Variants in SORCS3 observed in about 807,000 individuals in gnomAD.
The protein encoded by SORCS3 is sortilin related VPS10 domain containing receptor 3.
A neutral mutation model predicts 146.3 loss-of-function variants in SORCS3; 57 were observed. The ratio of observed to expected loss-of-function variants is 0.39; its 90% CI spans 0.31 to 0.49. The LOEUF is 0.49. SORCS3 is among the 20% of genes least tolerant of loss of function. The pLI is 0.92. For synonymous variants in SORCS3, 653 were observed against 618.5 expected (o/e 1.06, Z -0.83); for missense variants, 1,341 against 1,575.5 (o/e 0.85, Z 2.52).
rs141212842 is a variant in SORCS3 at position 104,981,865 on chromosome 10, A to C, written c.954+4372A>C. ...TCTAATACCGTTTATATTCTTGGCAAAATGAAACTTTAACAGATACAGCTG... is the reference window on the plus strand; with the variant it reads ...TCTAATACCGTTTATATTCTTGGCACAATGAAACTTTAACAGATACAGCTG... On this transcript the variant is annotated intron_variant, in intron 4 of 26. Coordinates refer to ENST00000369701, the MANE Select transcript of SORCS3 (RefSeq NM_014978.3). 2.4e-3 allele frequency among the ~76,000 whole-genome samples: 369 copies of C among 152,296 alleles called. 2 individuals carry two copies. The highest frequency in any genetic ancestry group is 8.4e-3 in the African/African-American group (351 of 41,572).
intron 2 of SORCS3, among the ~76,000 whole-genome samples, chr10:104,865,355 C>T (rs2018448093): frequency 6.6e-6 from 1 of 152,174 alleles, no homozygotes; most frequent in South Asian, 2.1e-4. Context: ...AAATCTTGAC[C>T]TGATCCCTTG....
intron 16 of SORCS3, among the ~76,000 whole-genome samples, chr10:105,204,718 G>A (rs930589880): frequency 6.6e-6 from 1 of 151,562 alleles, no homozygotes; most frequent in Non-Finnish European, 1.5e-5. Flanking sequence ...AAACTCACAC[G>A]ACCTATAAAG....
chr10:105,189,897 A>G (rs566892990), intron 14 of SORCS3, among the ~76,000 whole-genome samples: 18 of 152,218 alleles, frequency 1.2e-4, no homozygotes, highest in Admixed American at 5.9e-4. Context: ...AGAGTCAACT[A>G]CATAATTCTT....
At chr10:105,260,708 T>A (rs2056955641) in intron 25 of SORCS3, among the ~76,000 whole-genome samples, 1 of 152,204 alleles carries the variant, frequency 6.6e-6, no homozygotes, top group Non-Finnish European at 1.5e-5. Context: ...TTGGAGCAGA[T>A]AGGGGAATGT....
chr10:105,100,384 G>A (rs12360097), intron 6 of SORCS3, among the ~76,000 whole-genome samples: 1 of 152,138 alleles, frequency 6.6e-6, no homozygotes, highest in Non-Finnish European at 1.5e-5. Flanking sequence ...TTTCATTTGA[G>A]GATATTTCAA....
intron 20 of SORCS3, among the ~76,000 whole-genome samples, chr10:105,230,545 T>C (rs1003072388): frequency 3.9e-5 from 6 of 152,180 alleles, no homozygotes; most frequent in African/African-American, 1.4e-4. Flanking sequence ...GCCTTGACTG[T>C]AGCAGCCCAA....
At chr10:105,086,924 A>G in intron 5 of SORCS3, among the ~76,000 whole-genome samples, 1 of 152,164 alleles carries the variant, frequency 6.6e-6, no homozygotes, top group Non-Finnish European at 1.5e-5. Context: ...ATTAGATCCC[A>G]TTTGTCAATT....
intron 3 of SORCS3, among the ~76,000 whole-genome samples, chr10:104,953,596 T>C (rs779950923): frequency 1.3e-5 from 2 of 152,236 alleles, no homozygotes; most frequent in Non-Finnish European, 2.9e-5. Flanking sequence ...AATTATACCA[T>C]TGGTACCTAT....
At chr10:104,899,456 G>A (rs191808102) in intron 2 of SORCS3, among the ~76,000 whole-genome samples, 2 of 152,280 alleles carry the variant, frequency 1.3e-5, no homozygotes, top group Admixed American at 1.3e-4. Flanking sequence ...GAGAAATGGA[G>A]CATCCATGCC....
chr10:105,179,648 A>C (rs779129248), intron 14 of SORCS3, among the ~76,000 whole-genome samples: 21 of 152,334 alleles, frequency 1.4e-4, no homozygotes, highest in Non-Finnish European at 1.9e-4. Flanking sequence ...AAAACAACAC[A>C]GATTTTGTCA....
At chr10:104,758,827 C>T (rs933508241) in intron 1 of SORCS3, among the ~76,000 whole-genome samples, 6 of 152,162 alleles carry the variant, frequency 3.9e-5, no homozygotes, top group South Asian at 2.1e-4. Flanking sequence ...TTTTAGCGGC[C>T]GGACAGGGCT....
At chr10:105,189,347 T>G (rs1284593096) in intron 14 of SORCS3, among the ~76,000 whole-genome samples, 3 of 152,130 alleles carry the variant, frequency 2.0e-5, no homozygotes, top group Admixed American at 6.5e-5. Context: ...TTTGATCCAA[T>G]AAAGTGAGAG....
intron 1 of SORCS3, among the ~76,000 whole-genome samples, chr10:104,672,289 T>A (rs1227008230): frequency 2.0e-5 from 3 of 152,172 alleles, no homozygotes; most frequent in Non-Finnish European, 4.4e-5. Context: ...ATAGTCCTTT[T>A]TGTTTCTGTA....
At chr10:104,716,940 A>G (rs2016486214) in intron 1 of SORCS3, among the ~76,000 whole-genome samples, 1 of 152,166 alleles carries the variant, frequency 6.6e-6, no homozygotes, top group African/African-American at 2.4e-5. Flanking sequence ...ATTGAGGGAG[A>G]AGTCATTTTT....
chr10:105,216,419 T>A (rs2056665436), intron 18 of SORCS3, among the ~76,000 whole-genome samples: 1 of 152,268 alleles, frequency 6.6e-6, no homozygotes, highest in Admixed American at 6.5e-5. Context: ...AGACTGGGTC[T>A]GGAACCTGGT....
intron 18 of SORCS3, among the ~76,000 whole-genome samples, chr10:105,215,562 G>A (rs1163618413): frequency 6.6e-6 from 1 of 152,178 alleles, no homozygotes; most frequent in Non-Finnish European, 1.5e-5. Context: ...AGATTCAGAG[G>A]AGGTCATTAT....
chr10:104,847,182 T>C (rs1219433565), intron 2 of SORCS3, among the ~76,000 whole-genome samples: 1 of 152,194 alleles, frequency 6.6e-6, no homozygotes, highest in Non-Finnish European at 1.5e-5. Context: ...GTTGGTGGCA[T>C]TCATGGTCCT....
At chr10:104,876,405 T>A (rs1415931163) in intron 2 of SORCS3, among the ~76,000 whole-genome samples, 1 of 152,208 alleles carries the variant, frequency 6.6e-6, no homozygotes, top group Non-Finnish European at 1.5e-5. Flanking sequence ...TTTCTAGATA[T>A]GCACTCTTCA....
At chr10:104,913,766 CT>C (rs35484660) in intron 2 of SORCS3, among the ~76,000 whole-genome samples, 15,829 of 106,172 alleles carry the variant, frequency 0.15, 1,076 homozygotes, top group African/African-American at 0.27. Context: ...TATCCCCATT[CT>C]TTTTTTTTTT....
Sources: gnomAD v4.1 joint callset for allele counts (sites outside exome capture counted in the v4.1 genomes callset) on GRCh38, gnomAD v4.1.1 for gene constraint, MANE v1.5 for transcripts, NCBI Gene and HGNC (gene_info 2026-07-23, HGNC 2026-07-21) for gene names.